Variants in ZNF609 observed in about 807,000 individuals in gnomAD.
ZNF609 encodes zinc finger protein 609.
A neutral mutation model predicts 109.5 loss-of-function variants in ZNF609; 11 were observed. The observed-to-expected ratio is 0.10, with a 90% confidence interval of 0.06 to 0.17. The LOEUF is 0.17. Ranked by LOEUF, ZNF609 falls within the 10% of genes least tolerant of loss-of-function variation. The pLI, the probability that ZNF609 is intolerant of heterozygous loss-of-function variation, is 1.00. For missense variants in ZNF609, 1,559 were observed against 1,772.4 expected, an observed-to-expected ratio of 0.88 and a Z score of 2.16; for synonymous variants, 646 against 662.0, an observed-to-expected ratio of 0.98 and a Z score of 0.37.
Position 64,499,501 on chromosome 15 carries a change from G to T in ZNF609, c.82G>T (p.Asp28Tyr). 6.2e-7 allele frequency: 1 copy of T among 1,614,102 alleles called. No individual in the cohort carries two copies. The highest frequency in any genetic ancestry group is 8.5e-7 in the Non-Finnish European group (1 of 1,180,038). The change falls in exon 2 of 10, where the codon GAC becomes TAC. Residue 28 changes from aspartate (D) to tyrosine (Y), a missense_variant. Coordinates refer to ENST00000326648, the MANE Select transcript of ZNF609 (RefSeq NM_015042.2). ...VETYDSGDEW[D>Y]IGVGNLIIDL... ...GACATACGACAGTGGGGATGAATGG[G>T]ACATTGGAGTAGGGAATCTCATCAT...
intron 1 of ZNF609, among the ~76,000 whole-genome samples, chr15:64,498,060 A>C (rs1379430152): frequency 6.6e-6 from 1 of 151,862 alleles, no homozygotes; most frequent in African/African-American, 2.4e-5. Flanking sequence ...GTTAGTCAGG[A>C]GATAGTGGAG....
At chr15:64,538,699 A>G (rs1435544481) in intron 2 of ZNF609, among the ~76,000 whole-genome samples, 1 of 151,918 alleles carries the variant, frequency 6.6e-6, no homozygotes, top group Non-Finnish European at 1.5e-5. Flanking sequence ...GGCATGCACA[A>G]TCACGCCTGG....
At chr15:64,527,242 G>T (rs1893980013) in intron 2 of ZNF609, among the ~76,000 whole-genome samples, 1 of 149,430 alleles carries the variant, frequency 6.7e-6, no homozygotes, top group African/African-American at 2.5e-5. Flanking sequence ...GAGGATGCAG[G>T]GTTAAAAGAC....
Position 64,622,843 on chromosome 15 carries a change from C to G in ZNF609, c.764C>G (p.Ser255Cys), listed in dbSNP as rs1895897309. 2 of 1,614,118 alleles carry G rather than the reference C, an allele frequency of 1.2e-6. No homozygotes were observed. Among genetic ancestry groups the G allele is most frequent in the African/African-American group, 2.7e-5 (2 of 74,948 alleles). ...VKSEKMESPV[S>C]TPAVLPIHLL... is the part of the protein sequence containing the mutation. ...CCTCCACAGATGGAGTCCCCTGTTTCCACACCAGCAGTGCTGCCAATACAC... is the reference window on the plus strand; with the variant it reads ...CCTCCACAGATGGAGTCCCCTGTTTGCACACCAGCAGTGCTGCCAATACAC... Residue 255 changes from serine (S) to cysteine (C), a missense_variant, in exon 3 of 10, where the codon TCC becomes TGC. By Grantham distance (112) the Ser-to-Cys change is moderately radical. Around this residue, in one of 4 missense-constraint regions of ZNF609, gnomAD observed 291 missense variants for 317.8 expected, o/e 0.92. Coordinates refer to ENST00000326648, the MANE Select transcript of ZNF609 (RefSeq NM_015042.2).
intron 2 of ZNF609, among the ~76,000 whole-genome samples, chr15:64,563,134 C>T (rs1193182068): frequency 1.3e-5 from 2 of 151,480 alleles, no homozygotes; most frequent in Non-Finnish European, 2.9e-5. Context: ...TGGAGCAAGA[C>T]CCTGTCTCAA....
intron 3 of ZNF609, among the ~76,000 whole-genome samples, chr15:64,651,866 G>A (rs1241545264): frequency 6.6e-6 from 1 of 152,148 alleles, no homozygotes; most frequent in African/African-American, 2.4e-5. Context: ...TCTTGGGAAG[G>A]AAGTAGAGCT....
chr15:64,549,285 G>A (rs148236391), intron 2 of ZNF609, among the ~76,000 whole-genome samples: 1,974 of 152,106 alleles, frequency 0.013, 32 homozygotes, highest in African/African-American at 0.046. Context: ...CCGCCTCCCG[G>A]GTTCAAGCAA....
chr15:64,532,739 C>T (rs571350658), intron 2 of ZNF609, among the ~76,000 whole-genome samples: 3 of 152,254 alleles, frequency 2.0e-5, no homozygotes, highest in South Asian at 4.1e-4. Context: ...ATGTCAAGAT[C>T]GTTAGGTGTT....
intron 2 of ZNF609, among the ~76,000 whole-genome samples, chr15:64,597,335 T>G (rs987485771): frequency 1.3e-5 from 2 of 152,090 alleles, no homozygotes; most frequent in East Asian, 3.9e-4. Context: ...TGAGAGCAGC[T>G]CAGGGAAAGG....
rs368482943 is a variant in ZNF609 at position 64,557,983 on chromosome 15, C to T, written c.747+57817C>T. Among the ~76,000 whole-genome samples the T allele has an allele frequency of 7.2e-5, 11 of 152,064 alleles. No homozygotes were observed. In the East Asian group the frequency reaches 1.7e-3, roughly 24 times the overall value. ...ACAGGCGTGAGCCACCGCGCCCGGCCGAAAGATTTTCTTAAAGGAGGAGAT... is the reference window on the plus strand; with the variant it reads ...ACAGGCGTGAGCCACCGCGCCCGGCTGAAAGATTTTCTTAAAGGAGGAGAT... On this transcript the variant is annotated intron_variant, in intron 2 of 9. Transcript: ENST00000326648.
chr15:64,475,313 C>G (rs940451673), intron 1 of ZNF609, among the ~76,000 whole-genome samples: 2 of 151,536 alleles, frequency 1.3e-5, no homozygotes, highest in African/African-American at 4.9e-5. Context: ...ATCCACCTAT[C>G]TCCAGAATTG....
rs1419830766 is a variant in ZNF609, at chr15:64,675,324, C to A, written c.2470C>A (p.Pro824Thr). Residue 824 changes from proline (P) to threonine (T), a missense_variant, in exon 5 of 10, where the codon CCC becomes ACC. This residue lies in a region of ZNF609 where 1,204 missense variants were observed against 1,314.1 expected (regional missense o/e 0.92). Coordinates refer to ENST00000326648, the MANE Select transcript of ZNF609 (RefSeq NM_015042.2). ...ENTTPTQPLT[P>T]LHVVTQNGAE... is the part of the protein sequence containing the mutation. ...CACTACCCCTACTCAGCCCCTGACT[C>A]CCTTACATGTGGTGACCCAGAATGG... is the stretch of plus-strand genomic sequence containing the variant. 2 of 1,614,024 alleles carry A rather than the reference C, an allele frequency of 1.2e-6. No homozygotes were observed. The highest frequency in any genetic ancestry group is 4.5e-5 in the East Asian group (2 of 44,870).
intron 3 of ZNF609, among the ~76,000 whole-genome samples, chr15:64,640,644 C>T (rs1040304949): frequency 1.3e-5 from 2 of 152,180 alleles, no homozygotes; most frequent in Admixed American, 1.3e-4. Flanking sequence ...TCCTTCTCAA[C>T]CCCAGGCAAG....
At chr15:64,472,828 C>T (rs903436018) in intron 1 of ZNF609, among the ~76,000 whole-genome samples, 10 of 152,064 alleles carry the variant, frequency 6.6e-5, no homozygotes, top group African/African-American at 1.9e-4. Context: ...GCCTGGGCAG[C>T]AGTGAGACCC....
intron 2 of ZNF609, among the ~76,000 whole-genome samples, chr15:64,506,575 T>G (rs979098913): frequency 2.0e-5 from 3 of 151,352 alleles, no homozygotes; most frequent in Non-Finnish European, 4.4e-5. Context: ...ACAAAATTAG[T>G]CGGGCGTGGT....
At chr15:64,551,095 GTT>G (rs999497038) in intron 2 of ZNF609, among the ~76,000 whole-genome samples, 5 of 150,376 alleles carry the variant, frequency 3.3e-5, no homozygotes, top group African/African-American at 7.3e-5. Context: ...CCTTTTTTTT[GTT>G]TGTTTTGAGG....
At chr15:64,593,007 G>T in intron 2 of ZNF609, 2 of 1,558,312 alleles carry the variant, frequency 1.3e-6, no homozygotes, top group Non-Finnish European at 1.7e-6. Context: ...AACAATGGTC[G>T]TGCCAAAAAG....
intron 2 of ZNF609, among the ~76,000 whole-genome samples, chr15:64,578,830 C>T (rs1445152272): frequency 6.6e-6 from 1 of 152,148 alleles, no homozygotes; most frequent in African/African-American, 2.4e-5. Context: ...GAAATCCCAT[C>T]TGTACAAAAA....
rs71133451 is a variant in ZNF609 at position 64,588,442 on chromosome 15, A to AAAAAAAAAAAAAAAAAAAAAAAAG, written c.748-34383_748-34382insAAAAAAAAAAAAAAAAAAAAAGAA. On this transcript the variant is annotated intron_variant, in intron 2 of 9. Transcript: ENST00000326648. The stretch of plus-strand genomic sequence containing the variant: ...CACTCTGTCTAAAAAAAAAAAAAAA[A>AAAAAAAAAAAAAAAAAAAAAAAAG]AAGAAGAGGAAGACTGTACAGACTA... Among the ~76,000 whole-genome samples the AAAAAAAAAAAAAAAAAAAAAAAAG allele has an allele frequency of 1.7e-3, 127 of 75,276 alleles. 43 individuals carry two copies. Among genetic ancestry groups the AAAAAAAAAAAAAAAAAAAAAAAAG allele is most frequent in the East Asian group, 8.7e-3 (15 of 1,734 alleles). 49.4% of individuals were successfully genotyped at this position (75,276 alleles called of 152,430 possible).
Sources: allele counts gnomAD v4.1 joint callset (sites outside exome capture counted in the v4.1 genomes callset), GRCh38; gene constraint gnomAD v4.1.1; regional missense constraint gnomAD v4.1.1; transcripts MANE v1.5; gene names NCBI Gene and HGNC (gene_info 2026-07-23, HGNC 2026-07-21).